Variants in GRID2 observed in about 807,000 individuals in gnomAD.
GRID2 encodes glutamate receptor ionotropic, delta-2.
Under a neutral mutation model 114.8 loss-of-function variants are expected in GRID2, and 33 were observed. The ratio of observed to expected loss-of-function variants is 0.29; its 90% CI spans 0.22 to 0.38. GRID2 has a LOEUF of 0.38. GRID2 is among the 10% of genes least tolerant of loss of function. The pLI is 1.00. For synonymous variants in GRID2, 505 were observed against 449.9 expected, an observed-to-expected ratio of 1.12 and a Z score of -1.55; for missense variants, 1,184 against 1,257.7, an observed-to-expected ratio of 0.94 and a Z score of 0.89.
chr4:92,352,365 TTATA>T (rs934035905), intron 1 of GRID2, among the ~76,000 whole-genome samples: 7 of 150,492 alleles, frequency 4.7e-5, no homozygotes, highest in Non-Finnish European at 1.0e-4. Flanking sequence ...ATTATTATTA[TTATA>T]TTTTTTGCTA....
At chr4:92,603,939 G>T (rs897162174) in intron 2 of GRID2, among the ~76,000 whole-genome samples, 4 of 152,038 alleles carry the variant, frequency 2.6e-5, no homozygotes, top group South Asian at 2.1e-4. Context: ...ATGAAAAAAA[G>T]CTCAACATCA....
intron 14 of GRID2, among the ~76,000 whole-genome samples, chr4:93,753,151 T>C (rs1490237197): frequency 6.6e-6 from 1 of 152,204 alleles, no homozygotes; most frequent in East Asian, 1.9e-4. Flanking sequence ...CAGGCAGCCT[T>C]CACCCAGAGC....
intron 5 of GRID2, among the ~76,000 whole-genome samples, chr4:93,209,120 C>A (rs927015370): frequency 1.6e-4 from 25 of 151,948 alleles, no homozygotes; most frequent in Non-Finnish European, 2.9e-4. Context: ...CTTTTAAGTT[C>A]AGGGGTACGT....
chr4:93,226,799 G>A (rs1442770706), intron 7 of GRID2, among the ~76,000 whole-genome samples: 2 of 152,154 alleles, frequency 1.3e-5, no homozygotes, highest in African/African-American at 4.8e-5. Flanking sequence ...GAGTCTTCAT[G>A]CTCTTTGTGA....
rs1014048045 is a variant in GRID2, at chr4:93,644,236, C to T, written c.2360+17801C>T. The stretch of plus-strand genomic sequence containing the variant: ...CTGGCACTCCCTAGTGAGATGAACC[C>T]GGTACCTCAGATGGAAATGCAGAAA... On this transcript the variant is annotated intron_variant, in intron 14 of 15. Transcript: ENST00000282020. 6.5e-4 allele frequency among the ~76,000 whole-genome samples: 42 copies of T among 64,438 alleles called. 7 individuals are homozygous for T. In the East Asian group the frequency reaches 6.7e-3, roughly 10 times the overall value. 42.3% of individuals were successfully genotyped at this position (64,438 alleles called of 152,430 possible).
chr4:92,528,528 A>G lies in GRID2; in HGVS notation c.89-61603A>G, dbSNP rs563422403. Among the ~76,000 whole-genome samples the G allele has an allele frequency of 8.6e-5, 13 of 152,046 alleles. No individual in the cohort carries two copies. The South Asian group carries it at 2.5e-3, about 29-fold the overall frequency. ...ATAAAATTAATATCCGTTCATTTAG[A>G]TGGGATTTATTTTTTGTTCATATAA... On this transcript the variant is annotated intron_variant, in intron 1 of 15. Coordinates refer to ENST00000282020, the MANE Select transcript of GRID2 (RefSeq NM_001510.4).
At chr4:92,390,238 C>A (rs118104360) in intron 1 of GRID2, among the ~76,000 whole-genome samples, 1 of 152,200 alleles carries the variant, frequency 6.6e-6, no homozygotes, top group South Asian at 2.1e-4. Flanking sequence ...ACTTCATTTA[C>A]CTTCAACAAC....
intron 4 of GRID2, among the ~76,000 whole-genome samples, chr4:93,198,807 A>G (rs1300368187): frequency 6.6e-6 from 1 of 152,176 alleles, no homozygotes; most frequent in African/African-American, 2.4e-5. Flanking sequence ...TTGCATTTAG[A>G]CGTGATGAAT....
chr4:92,687,225 G>T (rs1195144303), intron 2 of GRID2, among the ~76,000 whole-genome samples: 15 of 142,956 alleles, frequency 1.0e-4, no homozygotes, highest in Admixed American at 8.5e-4. Context: ...ACTTGCAATT[G>T]CTCTTCTAGT....
intron 1 of GRID2, among the ~76,000 whole-genome samples, chr4:92,422,047 AG>A (rs1443409119): frequency 1.3e-5 from 2 of 152,128 alleles, no homozygotes; most frequent in Non-Finnish European, 2.9e-5. Flanking sequence ...GAGCAGCATG[AG>A]TGGAGGATGA....
At chr4:93,150,044 T>G (rs1394921482) in intron 4 of GRID2, among the ~76,000 whole-genome samples, 1 of 152,148 alleles carries the variant, frequency 6.6e-6, no homozygotes, top group Non-Finnish European at 1.5e-5. Context: ...AAACTATGAT[T>G]ACAAGTAAAA....
At chr4:93,114,865 G>A (rs1455465120) in intron 4 of GRID2, among the ~76,000 whole-genome samples, 3 of 152,132 alleles carry the variant, frequency 2.0e-5, no homozygotes, top group South Asian at 2.1e-4. Flanking sequence ...TCTAGTGGAA[G>A]AGGCAGCATA....
chr4:92,793,602 A>G (rs935439816), intron 2 of GRID2, among the ~76,000 whole-genome samples: 5 of 151,976 alleles, frequency 3.3e-5, no homozygotes, highest in African/African-American at 1.2e-4. Context: ...TGTAGGGCCA[A>G]TCAGGCTTAC....
chr4:92,919,476 C>G (rs561797200), intron 2 of GRID2, among the ~76,000 whole-genome samples: 2 of 152,288 alleles, frequency 1.3e-5, no homozygotes, highest in Admixed American at 1.3e-4. Flanking sequence ...CCTGCTTTCT[C>G]TAGTGGGCAT....
At chr4:92,775,048 G>A (rs1413162046) in intron 2 of GRID2, among the ~76,000 whole-genome samples, 1 of 152,058 alleles carries the variant, frequency 6.6e-6, no homozygotes, top group Admixed American at 6.6e-5. Context: ...TTGCCTGTAA[G>A]ACTATAAAGG....
intron 4 of GRID2, among the ~76,000 whole-genome samples, chr4:93,155,785 C>T (rs969404438): frequency 6.6e-6 from 1 of 151,404 alleles, no homozygotes; most frequent in Non-Finnish European, 1.5e-5. Flanking sequence ...GGGGAAAATA[C>T]AGGAGAGAAA....
chr4:92,506,069 T>C (rs1422448094), intron 1 of GRID2, among the ~76,000 whole-genome samples: 4 of 152,048 alleles, frequency 2.6e-5, no homozygotes, highest in African/African-American at 9.7e-5. Context: ...TCATGGACTA[T>C]TTTAAAATTA....
intron 8 of GRID2, among the ~76,000 whole-genome samples, chr4:93,377,855 A>G (rs909291344): frequency 6.9e-6 from 1 of 144,064 alleles, no homozygotes; most frequent in African/African-American, 2.6e-5. Flanking sequence ...AGCATTCTGG[A>G]AAAAAAAAAT....
At chr4:92,459,573 TCCTTTCTATTA>T (rs958211564) in intron 1 of GRID2, among the ~76,000 whole-genome samples, 31 of 152,276 alleles carry the variant, frequency 2.0e-4, no homozygotes, top group African/African-American at 6.7e-4. Context: ...TTCTCTCCTT[TCCTTTCTATTA>T]CCTTTCTTTA....
Sources: allele counts gnomAD v4.1 joint callset (sites outside exome capture counted in the v4.1 genomes callset), GRCh38; gene constraint gnomAD v4.1.1; transcripts MANE v1.5; gene names NCBI Gene and HGNC (gene_info 2026-07-23, HGNC 2026-07-21).